Variants in SLC43A3 observed in about 807,000 individuals in gnomAD.
SLC43A3 encodes the protein solute carrier family 43 member 3, also known as equilibrative nucleobase transporter 1.
SLC43A3 carries 33 observed loss-of-function variants against 53.3 expected under a neutral mutation model. That is an observed-to-expected ratio of 0.62 (90% CI 0.47 to 0.83). SLC43A3 has a LOEUF of 0.83. SLC43A3 is among the 40% of genes least tolerant of loss of function. SLC43A3 has a pLI of 0.00. For missense variants in SLC43A3, 530 were observed against 610.0 expected (o/e 0.87, Z 1.38); for synonymous variants, 236 against 246.2 (o/e 0.96, Z 0.39).
chr11:57,411,422 T>G (rs1425948608), intron 11 of SLC43A3, among the ~76,000 whole-genome samples: 8 of 133,778 alleles, frequency 6.0e-5, no homozygotes, highest in African/African-American at 2.4e-4. Context: ...GAGGATTGCT[T>G]GAGCTCAGGA....
intron 5 of SLC43A3, among the ~76,000 whole-genome samples, chr11:57,421,626 TACAG>T (rs1391534509): frequency 3.3e-5 from 5 of 152,174 alleles, no homozygotes; most frequent in African/African-American, 4.8e-5. Context: ...CCAGGAAGTC[TACAG>T]ACAGAGGCAG....
rs776083147 is a variant in SLC43A3 at position 57,410,121 on chromosome 11, C to A, written c.1061G>T (p.Gly354Val). The A allele has an allele frequency of 1.3e-5, 20 of 1,592,694 alleles. No individual in the cohort carries two copies. Among genetic ancestry groups the A allele is most frequent in the Non-Finnish European group, 8.5e-6 (10 of 1,170,662 alleles). Residue 354 changes from glycine (G) to valine (V), a missense_variant and splice_region_variant, in exon 12 of 14, where the codon GGT becomes GTT. Physicochemically the swap from Gly to Val is moderately radical, Grantham distance 109. Around this residue, in one of 3 missense-constraint regions of SLC43A3, gnomAD observed 376 missense variants for 386.7 expected, o/e 0.97. Coordinates refer to ENST00000395124, the MANE Select transcript of SLC43A3 (RefSeq NM_199329.3). ...QKYQKEARKT[G>V]SSTLAVALCS... Reference sequence around the variant, plus strand: ...GAGGGCCACCGCCAAAGTGGAGGAACCTGGGCGAACAGAGAGGAAAAAGAA... The same window carrying A: ...GAGGGCCACCGCCAAAGTGGAGGAAACTGGGCGAACAGAGAGGAAAAAGAA...
chr11:57,410,072 G>C lies in SLC43A3; in HGVS notation c.1110C>G (p.Ala370=). 1 of 1,611,604 alleles carries C rather than the reference G, an allele frequency of 6.2e-7. No individual in the cohort carries two copies. Among genetic ancestry groups the C allele is most frequent in the South Asian group, 1.1e-5 (1 of 90,256 alleles). Residue 370 remains alanine (A), a synonymous_variant, in exon 12 of 14, where the codon GCC becomes GCG. Coordinates refer to ENST00000395124, the MANE Select transcript of SLC43A3 (RefSeq NM_199329.3). The stretch of plus-strand genomic sequence containing the variant: ...AGCCCAGGCACAGCAGGGATGTCAG[G>C]GCCAGCGAAGGCACCGTCGAGCAGA... The part of the protein sequence containing the change: ...VALCSTVPSL[A]LTSLLCLGFA...
chr11:57,414,553 G>T, intron 11 of SLC43A3, 62 bp downstream of exon 11: 1 of 852,306 alleles, frequency 1.2e-6, no homozygotes, highest in Admixed American at 1.9e-5. Flanking sequence ...AGATGTCATG[G>T]GGTAAATGAA....
Position 57,410,126 on chromosome 11 carries a change from G to C in SLC43A3, c.1061-5C>G. ...CCACCGCCAAAGTGGAGGAACCTGG[G>C]CGAACAGAGAGGAAAAAGAAGCTCT... is the stretch of plus-strand genomic sequence containing the variant. On this transcript the variant is annotated splice_region_variant and splice_polypyrimidine_tract_variant and intron_variant, in intron 11 of 13. Coordinates refer to ENST00000395124, the MANE Select transcript of SLC43A3 (RefSeq NM_199329.3). 6.3e-7 allele frequency: 1 copy of C among 1,585,158 alleles called. No individual in the cohort carries two copies. Among genetic ancestry groups the C allele is most frequent in the Non-Finnish European group, 8.6e-7 (1 of 1,167,302 alleles).
chr11:57,410,151 T>C, intron 11 of SLC43A3, 30 bp from the exon 12 acceptor site: 1 of 1,531,760 alleles, frequency 6.5e-7, no homozygotes, highest in Non-Finnish European at 8.8e-7. Context: ...AAAGAAGCTC[T>C]CTGTAGGCCA....
intron 11 of SLC43A3, among the ~76,000 whole-genome samples, chr11:57,412,693 A>C (rs999300010): frequency 3.3e-5 from 5 of 152,016 alleles, no homozygotes; most frequent in Non-Finnish European, 5.9e-5. Context: ...CTGTAATGCC[A>C]GCTACTCGGG....
chr11:57,426,402 G>GA, intron 2 of SLC43A3, 50 bp from the exon 3 acceptor site: 1 of 563,552 alleles, frequency 1.8e-6, no homozygotes, highest in Non-Finnish European at 3.2e-6. Context: ...GCGGGAAAGG[G>GA]AAAGGTAGAC....
intron 5 of SLC43A3, among the ~76,000 whole-genome samples, chr11:57,422,101 A>G (rs1162280228): frequency 6.6e-6 from 1 of 152,230 alleles, no homozygotes; most frequent in African/African-American, 2.4e-5. Context: ...ACTTCTGCCC[A>G]CCATTATTCT....
chr11:57,424,102 C>A, intron 4 of SLC43A3, 74 bp from the exon 5 acceptor site: 1 of 1,438,836 alleles, frequency 7.0e-7, no homozygotes, highest in South Asian at 1.2e-5. Flanking sequence ...TGATTCTGCT[C>A]AGCCAGCCCA....
chr11:57,419,350 A>G (rs147607525), intron 7 of SLC43A3, among the ~76,000 whole-genome samples: 36 of 152,250 alleles, frequency 2.4e-4, no homozygotes, highest in African/African-American at 7.7e-4. Flanking sequence ...AAAACCACCG[A>G]CCTAGCCCAA....
At chr11:57,412,218 ATG>A (rs1942506713) in intron 11 of SLC43A3, among the ~76,000 whole-genome samples, 1 of 152,248 alleles carries the variant, frequency 6.6e-6, no homozygotes, top group Non-Finnish European at 1.5e-5. Context: ...TCTAGAAATA[ATG>A]TGATTTCATC....
rs1211603704 is a variant in SLC43A3 at position 57,419,732 on chromosome 11, A to T, written c.531+1240T>A. On this transcript the variant is annotated intron_variant, in intron 7 of 13. Coordinates refer to ENST00000395124, the MANE Select transcript of SLC43A3 (RefSeq NM_199329.3). ...AATTGCTTAAACCCACTAGGCAGAG[A>T]TTGCAGTGAGCCAAGATCCCACCAA... is the stretch of plus-strand genomic sequence containing the variant. Among the ~76,000 whole-genome samples the T allele has an allele frequency of 4.0e-5, 6 of 151,334 alleles. 1 individual carries two copies. The East Asian group carries it at 1.2e-3, about 29-fold the overall frequency.
chr11:57,424,994 C>G (rs376188081), intron 4 of SLC43A3, among the ~76,000 whole-genome samples: 2 of 152,204 alleles, frequency 1.3e-5, no homozygotes, highest in Admixed American at 6.5e-5. Flanking sequence ...GAAACCCCCC[C>G]AGTCTCCCCT....
chr11:57,425,729 G>A (rs1284935384), intron 3 of SLC43A3, 59 bp from the exon 4 acceptor site: 1 of 1,604,362 alleles, frequency 6.2e-7, no homozygotes. Context: ...GAGCACACAG[G>A]CTGGGCTCCC....
chr11:57,409,851 G>T, intron 12 of SLC43A3, 84 bp downstream of exon 12: 1 of 1,347,002 alleles, frequency 7.4e-7, no homozygotes, highest in Non-Finnish European at 1.0e-6. Flanking sequence ...TCCAGGCCCC[G>T]CCTTGCCTCC....
intron 7 of SLC43A3, among the ~76,000 whole-genome samples, chr11:57,418,375 T>C (rs948054612): frequency 6.6e-6 from 1 of 151,642 alleles, no homozygotes; most frequent in African/African-American, 2.4e-5. Context: ...TTCTGACACA[T>C]GCTGCAACAT....
chr11:57,415,443 G>C lies in SLC43A3; in HGVS notation c.770-337C>G, dbSNP rs893112959. 6 of 1,315,156 alleles carry C rather than the reference G, an allele frequency of 4.6e-6. No homozygotes were observed. The African/African-American group carries it at 8.9e-5, about 20-fold the overall frequency. The allele number at this position is 1,315,156 out of a possible 1,614,324, so 81.5% of individuals were successfully genotyped here. A position where few individuals can be genotyped will look rare whatever the true frequency, so the allele number is the denominator to read the frequency against. ...AAAGGAACGACAAGGAGAGGAGAAA[G>C]TCAGAAGGGAGAGGAGAATGAGTGT... is the stretch of plus-strand genomic sequence containing the variant. On this transcript the variant is annotated intron_variant, in intron 9 of 13. Transcript: ENST00000395124.
At chr11:57,408,865 C>A (rs1345027555) in intron 13 of SLC43A3, 8 of 325,560 alleles carry the variant, frequency 2.5e-5, no homozygotes. Flanking sequence ...AGGTCCTGTC[C>A]CTGGGGCCAA....
Sources: gnomAD v4.1 joint callset for allele counts (sites outside exome capture counted in the v4.1 genomes callset) on GRCh38, gnomAD v4.1.1 for gene constraint, gnomAD v4.1.1 regional missense constraint, MANE v1.5 for transcripts, NCBI Gene and HGNC (gene_info 2026-07-23, HGNC 2026-07-21) for gene names.